Variants in EXOG observed in about 807,000 individuals in gnomAD.
The protein encoded by EXOG is exo/endonuclease G.
In EXOG, 27 loss-of-function variants were observed where a neutral mutation model predicts 25.8. The ratio of observed to expected loss-of-function variants is 1.05; its 90% CI spans 0.77 to 1.45. EXOG has a LOEUF of 1.45. Among genes scored for constraint, EXOG ranks in the 40% most tolerant of loss-of-function variants. EXOG has a pLI of 0.00. For missense variants in EXOG, 458 were observed against 450.5 expected (o/e 1.02, Z -0.15); for synonymous variants, 133 against 167.0 (o/e 0.80, Z 1.57).
In EXOG at chr3:38,526,224, G is replaced by A. The variant is rs1378035099; in HGVS notation, c.*1862G>A. 2 of 985,150 alleles carry A rather than the reference G, an allele frequency of 2.0e-6. No individual in the cohort carries two copies. Among genetic ancestry groups the A allele is most frequent in the South Asian group, 4.7e-5 (1 of 21,282 alleles). 61.0% of individuals were successfully genotyped at this position (985,150 alleles called of 1,614,324 possible). ...ATACCACTGCTGTCTTTTCCGAGTG[G>A]TATTACAAGAAAGATTTTTGTGGTG... On this transcript the variant is annotated 3_prime_UTR_variant, in exon 6 of 6. Transcript: ENST00000287675.
At chr3:38,502,569 A>G (rs2060079723) in intron 3 of EXOG, among the ~76,000 whole-genome samples, 1 of 152,204 alleles carries the variant, frequency 6.6e-6, no homozygotes, top group African/African-American at 2.4e-5. Flanking sequence ...TGCATCATCT[A>G]AGAATGAGGA....
In EXOG at chr3:38,524,308, A is replaced by G; in HGVS notation, c.1053A>G (p.Leu351=). 6.2e-7 allele frequency: 1 copy of G among 1,612,918 alleles called. No homozygotes were observed. The highest frequency in any genetic ancestry group is 8.5e-7 in the Non-Finnish European group (1 of 1,179,754). The part of the protein sequence containing the change: ...DYFMSRYEKK[L]EELKAKEQSG... The stretch of plus-strand genomic sequence containing the variant: ...TTATGAGTCGCTATGAGAAGAAGCT[A>G]GAAGAACTCAAAGCTAAGGAGCAGT... The change falls in exon 6 of 6, where the codon CTA becomes CTG. Residue 351 remains leucine (L), a synonymous_variant. Transcript: ENST00000287675.
chr3:38,496,340 G>T lies in EXOG; in HGVS notation c.-28G>T, dbSNP rs369095202. On this transcript the variant is annotated 5_prime_UTR_variant, in exon 1 of 6. Coordinates refer to ENST00000287675, the MANE Select transcript of EXOG (RefSeq NM_005107.4). ...GGGCCGGCATGCGCGCGCATGCGCC[G>T]TGGTAAAAGGCCGGTACCTCGGGCA... is the stretch of plus-strand genomic sequence containing the variant. The T allele has an allele frequency of 1.3e-6, 2 of 1,599,138 alleles. No homozygotes were observed. The highest frequency in any genetic ancestry group is 1.7e-6 in the Non-Finnish European group (2 of 1,171,268).
chr3:38,523,360 C>T (rs2060780531), intron 5 of EXOG: 1 of 1,205,992 alleles, frequency 8.3e-7, no homozygotes, highest in African/African-American at 1.6e-5. Context: ...TTTGGGTTGG[C>T]ATTATTTTAT....
intron 5 of EXOG, among the ~76,000 whole-genome samples, chr3:38,513,405 G>C (rs1371013667): frequency 3.3e-5 from 5 of 152,118 alleles, no homozygotes; most frequent in African/African-American, 1.2e-4. Context: ...TATTATAAGT[G>C]TGTATGTAGT....
intron 4 of EXOG, among the ~76,000 whole-genome samples, chr3:38,504,151 T>C (rs1287540299): frequency 6.6e-6 from 1 of 152,122 alleles, no homozygotes; most frequent in Non-Finnish European, 1.5e-5. Flanking sequence ...GAGAATTGCT[T>C]GAGGCCAGCA....
At chr3:38,516,207 T>C (rs2125790463) in intron 5 of EXOG, among the ~76,000 whole-genome samples, 1 of 152,190 alleles carries the variant, frequency 6.6e-6, no homozygotes, top group East Asian at 1.9e-4. Context: ...TCCATATATA[T>C]ATATATGTAT....
At position 38,497,956 on chromosome 3, in the gene EXOG, CT is replaced by C. The variant is rs759874778; in HGVS notation, c.313+181del. ...TGCCTGGCAGCCAGAAAGCCAGACC[CT>C]TTCCAGCTGTCTCAGGGCTGAAAAT... On this transcript the variant is annotated intron_variant, in intron 2 of 5. Coordinates refer to ENST00000287675, the MANE Select transcript of EXOG (RefSeq NM_005107.4). 402 of 715,316 alleles carry C rather than the reference CT, an allele frequency of 5.6e-4. 6 individuals carry two copies. Among genetic ancestry groups the C allele is most frequent in the Admixed American group, 1.9e-4 (5 of 26,588 alleles). 44.3% of individuals were successfully genotyped at this position (715,316 alleles called of 1,614,324 possible). A position where few individuals can be genotyped will look rare whatever the true frequency, so the allele number is the denominator to read the frequency against.
intron 5 of EXOG, among the ~76,000 whole-genome samples, chr3:38,510,000 A>G (rs572638724): frequency 5.1e-4 from 77 of 152,340 alleles, no homozygotes; most frequent in Non-Finnish European, 9.7e-4. Context: ...ATCTAAAAGT[A>G]TCTCCTCATA....
intron 2 of EXOG, 22 bp from the exon 3 acceptor site, chr3:38,501,333 C>T (rs1388251750): frequency 6.2e-7 from 1 of 1,608,904 alleles, no homozygotes; most frequent in Admixed American, 1.7e-5. Context: ...ATAACATATC[C>T]ATTTTGTGTG....
In EXOG at chr3:38,524,213, C is replaced by T. The variant is rs575712682; in HGVS notation, c.958C>T (p.Arg320Ter). 1.9e-5 allele frequency: 30 copies of T among 1,614,008 alleles called. No homozygotes were observed. The highest frequency in any genetic ancestry group is 5.0e-5 in the Admixed American group (3 of 60,018). ...GAGTACAAGAAAGATTGAAGGAGCCCGATCAGTGCTCAGACTGGAAAAGAT... is the reference window on the plus strand; with the variant it reads ...GAGTACAAGAAAGATTGAAGGAGCCTGATCAGTGCTCAGACTGGAAAAGAT... The part of the protein sequence containing the change: ...YLSTRKIEGA[R>*]SVLRLEKIME... The change falls in exon 6 of 6, where the codon CGA (arginine) becomes TGA (stop). Residue 320 changes from arginine (R) to a stop codon, truncating the protein, a stop_gained. Coordinates refer to ENST00000287675, the MANE Select transcript of EXOG (RefSeq NM_005107.4). LOFTEE classifies it low-confidence loss of function (END_TRUNC).
At position 38,525,016 on chromosome 3, in the gene EXOG, T is replaced by C; in HGVS notation, c.*654T>C. Reference sequence around the variant, plus strand: ...GTAGTTCCTGTCCACATGCACTATATATTTGTTTCTTTTTTCTCCTCTCAT... The same window carrying C: ...GTAGTTCCTGTCCACATGCACTATACATTTGTTTCTTTTTTCTCCTCTCAT... On this transcript the variant is annotated 3_prime_UTR_variant, in exon 6 of 6. Coordinates refer to ENST00000287675, the MANE Select transcript of EXOG (RefSeq NM_005107.4). 1 of 985,430 alleles carries C rather than the reference T, an allele frequency of 1.0e-6. No individual in the cohort carries two copies. The highest frequency in any genetic ancestry group is 1.2e-6 in the Non-Finnish European group (1 of 829,914). 61.0% of individuals were successfully genotyped at this position (985,430 alleles called of 1,614,324 possible).
At chr3:38,497,514 T>C in intron 1 of EXOG, 115 bp from the exon 2 acceptor site, 1 of 1,403,540 alleles carries the variant, frequency 7.1e-7, no homozygotes, top group East Asian at 2.7e-5. Context: ...GCCAGTCCTT[T>C]GTAAATCACA....
At chr3:38,501,755 T>C (rs572262547) in intron 3 of EXOG, among the ~76,000 whole-genome samples, 1 of 152,300 alleles carries the variant, frequency 6.6e-6, no homozygotes, top group Non-Finnish European at 1.5e-5. Flanking sequence ...TTTATTTATT[T>C]TTTTGAGACG....
At chr3:38,520,111 T>C (rs1423918197) in intron 5 of EXOG, among the ~76,000 whole-genome samples, 2 of 152,206 alleles carry the variant, frequency 1.3e-5, no homozygotes, top group Admixed American at 6.5e-5. Context: ...TAATATTTTA[T>C]TGGAGGCACA....
At chr3:38,501,173 T>G in intron 2 of EXOG, 182 bp from the exon 3 acceptor site, 1 of 581,550 alleles carries the variant, frequency 1.7e-6, no homozygotes, top group Non-Finnish European at 3.1e-6. Flanking sequence ...TTTCCTAGAC[T>G]AGTACTTTCT....
intron 2 of EXOG, among the ~76,000 whole-genome samples, chr3:38,500,352 C>T (rs897907371): frequency 6.6e-6 from 1 of 152,040 alleles, no homozygotes; most frequent in Non-Finnish European, 1.5e-5. Context: ...TTGGAAATTC[C>T]TACAAATTGC....
rs5848435 is a variant in EXOG at position 38,497,075 on chromosome 3, C to CAAA, written c.164-540_164-538dup. The CAAA allele has an allele frequency of 2.6e-3, 2,357 of 901,298 alleles. 1 individual carries two copies. The highest frequency in any genetic ancestry group is 0.012 in the African/African-American group (622 of 52,912). 55.8% of individuals were successfully genotyped at this position (901,298 alleles called of 1,614,324 possible). A position where few individuals can be genotyped will look rare whatever the true frequency, so the allele number is the denominator to read the frequency against. On this transcript the variant is annotated intron_variant, in intron 1 of 5. Transcript: ENST00000287675. ...GTTGCAATGGGTACCTTATATTTGA[C>CAAA]AAAAAAAAAAAAAAAATTAACACGA...
intron 5 of EXOG, among the ~76,000 whole-genome samples, chr3:38,511,292 G>A (rs1179608910): frequency 6.6e-6 from 1 of 152,034 alleles, no homozygotes; most frequent in Non-Finnish European, 1.5e-5. Context: ...CCTCTAATGG[G>A]TTTCTCTGCC....
Sources: gnomAD v4.1 joint callset for allele counts (sites outside exome capture counted in the v4.1 genomes callset) on GRCh38, gnomAD v4.1.1 for gene constraint, MANE v1.5 for transcripts, NCBI Gene and HGNC (gene_info 2026-07-23, HGNC 2026-07-21) for gene names.